Variants in MARCHF11 observed in about 807,000 individuals in gnomAD.
MARCHF11 encodes the protein E3 ubiquitin-protein ligase MARCHF11.
In MARCHF11, 29 loss-of-function variants were observed where a neutral mutation model predicts 37.3. That is an observed-to-expected ratio of 0.78 (90% CI 0.58 to 1.06). The LOEUF (loss-of-function observed/expected upper bound fraction) is 1.06, where lower values mean the gene tolerates loss of function less well. Among genes scored for constraint, MARCHF11 ranks in the 50% least tolerant of loss-of-function variants. The probability of loss-of-function intolerance (pLI) is 0.00; values close to 1 mark genes in which losing one functional copy is unlikely to be tolerated. For missense variants in MARCHF11, 482 were observed against 533.4 expected (o/e 0.90, Z 0.95); for synonymous variants, 233 against 228.0 (o/e 1.02, Z -0.20).
At chr5:16,135,490 G>A (rs553229859) in intron 2 of MARCHF11, among the ~76,000 whole-genome samples, 1 of 152,244 alleles carries the variant, frequency 6.6e-6, no homozygotes, top group South Asian at 2.1e-4. Flanking sequence ...GCCATCTACA[G>A]TCTCTTCTGA....
chr5:16,074,620 G>A (rs112003907), intron 3 of MARCHF11, among the ~76,000 whole-genome samples: 2,072 of 152,216 alleles, frequency 0.014, 40 homozygotes, highest in African/African-American at 0.042. Context: ...AGAATGGCAC[G>A]TTGATCATCA....
chr5:16,095,486 G>A (rs12515693), intron 2 of MARCHF11, among the ~76,000 whole-genome samples: 1,728 of 72,076 alleles, frequency 0.024, 30 homozygotes, highest in African/African-American at 0.073. Flanking sequence ...GGAAGGAAGG[G>A]AGGGAGGGAG....
At chr5:16,127,224 A>G (rs180919147) in intron 2 of MARCHF11, among the ~76,000 whole-genome samples, 9 of 152,300 alleles carry the variant, frequency 5.9e-5, no homozygotes, top group African/African-American at 2.2e-4. Context: ...CAGAACAGGG[A>G]CTGCCAATGC....
At chr5:16,138,562 T>C (rs574403398) in intron 2 of MARCHF11, among the ~76,000 whole-genome samples, 2 of 152,264 alleles carry the variant, frequency 1.3e-5, no homozygotes, top group South Asian at 4.1e-4. Flanking sequence ...TGGCACCACC[T>C]GGTGGAGCCG....
intron 3 of MARCHF11, among the ~76,000 whole-genome samples, chr5:16,089,043 A>G (rs1281461405): frequency 1.3e-5 from 2 of 152,108 alleles, no homozygotes; most frequent in South Asian, 2.1e-4. Flanking sequence ...AAATATTAAT[A>G]TTAGTCATCA....
At chr5:16,098,037 T>C (rs1329614061) in intron 2 of MARCHF11, among the ~76,000 whole-genome samples, 1 of 151,976 alleles carries the variant, frequency 6.6e-6, no homozygotes, top group African/African-American at 2.4e-5. Flanking sequence ...CAATATAACA[T>C]CCAAATAGCA....
rs138185453 is a variant in MARCHF11, at chr5:16,082,966, A to G, written c.886+7923T>C. Among the ~76,000 whole-genome samples the G allele has an allele frequency of 2.0e-5, 3 of 152,268 alleles. No individual in the cohort carries two copies. The East Asian group carries it at 5.8e-4, about 29-fold the overall frequency. ...TGGGTGAATGCTGGCTGACCTGTCA[A>G]CTTCCAAAGCTCGGCTATCCTCAGT... is the stretch of plus-strand genomic sequence containing the variant. On this transcript the variant is annotated intron_variant, in intron 3 of 3. Transcript: ENST00000332432.
At chr5:16,118,185 A>C (rs1248429393) in intron 2 of MARCHF11, among the ~76,000 whole-genome samples, 1 of 152,228 alleles carries the variant, frequency 6.6e-6, no homozygotes, top group Non-Finnish European at 1.5e-5. Flanking sequence ...AGGATGAGCT[A>C]TATGAAAGGA....
chr5:16,149,200 A>G (rs1173588606), intron 2 of MARCHF11, among the ~76,000 whole-genome samples: 1 of 152,066 alleles, frequency 6.6e-6, no homozygotes, highest in Non-Finnish European at 1.5e-5. Flanking sequence ...CCTAACTTCA[A>G]CTTCCAAGGC....
intron 2 of MARCHF11, among the ~76,000 whole-genome samples, chr5:16,139,442 C>T (rs1737666195): frequency 6.6e-6 from 1 of 152,070 alleles, no homozygotes; most frequent in South Asian, 2.1e-4. Context: ...TACCCAGTCT[C>T]GGGTATGTCT....
intron 3 of MARCHF11, among the ~76,000 whole-genome samples, chr5:16,072,609 AAGAG>A (rs1560966448): frequency 1.3e-5 from 2 of 151,212 alleles, no homozygotes; most frequent in East Asian, 1.9e-4. Flanking sequence ...GCAAATCAGA[AAGAG>A]AGTCTTCAGC....
chr5:16,131,074 T>C lies in MARCHF11; in HGVS notation c.694-39993A>G, dbSNP rs116596348. Reference sequence around the variant, plus strand: ...AATCAGCAGAGGATAGCCTGAATAATAGATAGAAGGGAAAGGTAAATTAAC... The same window carrying C: ...AATCAGCAGAGGATAGCCTGAATAACAGATAGAAGGGAAAGGTAAATTAAC... On this transcript the variant is annotated intron_variant, in intron 2 of 3. Transcript: ENST00000332432. 2.9e-3 allele frequency among the ~76,000 whole-genome samples: 443 copies of C among 152,290 alleles called. 1 individual carries two copies. Among genetic ancestry groups the C allele is most frequent in the African/African-American group, 9.7e-3 (404 of 41,576 alleles).
chr5:16,094,014 C>A (rs1176983114), intron 2 of MARCHF11, among the ~76,000 whole-genome samples: 1 of 151,964 alleles, frequency 6.6e-6, no homozygotes, highest in African/African-American at 2.4e-5. Context: ...TACTGATGAA[C>A]CTTAAAATTA....
chr5:16,112,035 A>T (rs1737148793), intron 2 of MARCHF11, among the ~76,000 whole-genome samples: 1 of 152,208 alleles, frequency 6.6e-6, no homozygotes, highest in Admixed American at 6.5e-5. Flanking sequence ...ACTTCAGAAG[A>T]TGTATGGAAA....
At chr5:16,133,722 G>A (rs1298197665) in intron 2 of MARCHF11, among the ~76,000 whole-genome samples, 1 of 151,876 alleles carries the variant, frequency 6.6e-6, no homozygotes, top group African/African-American at 2.4e-5. Context: ...CCAATCTTTT[G>A]GCTTCCCTGA....
chr5:16,146,387 G>A lies in MARCHF11; in HGVS notation c.693+31339C>T, dbSNP rs899677694. Reference sequence around the variant, plus strand: ...CAGTTAAGCAAAGCCTTTCTCCTTTGCTGAAAGCATTCTATTTCTTCCCTT... The same window carrying A: ...CAGTTAAGCAAAGCCTTTCTCCTTTACTGAAAGCATTCTATTTCTTCCCTT... On this transcript the variant is annotated intron_variant, in intron 2 of 3. Transcript: ENST00000332432. Among the ~76,000 whole-genome samples the A allele has an allele frequency of 1.2e-4, 19 of 152,154 alleles. No individual in the cohort carries two copies. The East Asian group carries it at 3.5e-3, about 28-fold the overall frequency.
intron 2 of MARCHF11, among the ~76,000 whole-genome samples, chr5:16,175,349 T>C (rs1165189146): frequency 6.6e-6 from 1 of 152,220 alleles, no homozygotes; most frequent in Admixed American, 6.5e-5. Context: ...GCTGAAACTA[T>C]TTCCTGCTTG....
intron 2 of MARCHF11, among the ~76,000 whole-genome samples, chr5:16,092,976 C>T (rs1484694881): frequency 6.6e-6 from 1 of 152,166 alleles, no homozygotes; most frequent in Non-Finnish European, 1.5e-5. Flanking sequence ...TTTTGATACT[C>T]ACTAAAATTT....
chr5:16,113,191 C>G (rs1481242385), intron 2 of MARCHF11, among the ~76,000 whole-genome samples: 2 of 152,138 alleles, frequency 1.3e-5, no homozygotes, highest in Admixed American at 6.5e-5. Context: ...CCCAAAATCA[C>G]CAGTAGATGC....
Sources: gnomAD v4.1 joint callset for allele counts (sites outside exome capture counted in the v4.1 genomes callset) on GRCh38, gnomAD v4.1.1 for gene constraint, MANE v1.5 for transcripts, NCBI Gene and HGNC (gene_info 2026-07-23, HGNC 2026-07-21) for gene names.